WWP1: variants seen among roughly 807,000 people sequenced by gnomAD.
WWP1 encodes the protein NEDD4-like E3 ubiquitin-protein ligase WWP1.
In WWP1, 49 loss-of-function variants were observed where a neutral mutation model predicts 130.6. That is an observed-to-expected ratio of 0.38 (90% confidence interval 0.30 to 0.48). The LOEUF (loss-of-function observed/expected upper bound fraction) is 0.48, where lower values mean the gene tolerates loss of function less well. Among genes scored for constraint, WWP1 ranks in the 20% least tolerant of loss-of-function variants. WWP1 has a pLI of 0.99. For missense variants in WWP1, 809 were observed against 1,100.6 expected (o/e 0.74, Z 3.75); for synonymous variants, 332 against 367.8 (o/e 0.90, Z 1.11).
At chr8:86,353,519 G>A (rs1823068054) in intron 1 of WWP1, among the ~76,000 whole-genome samples, 1 of 151,540 alleles carries the variant, frequency 6.6e-6, no homozygotes, top group African/African-American at 2.4e-5. Flanking sequence ...CTGAGACGGA[G>A]TCTCACTCTG....
At chr8:86,465,609 G>C (rs1013518224) in intron 24 of WWP1, among the ~76,000 whole-genome samples, 1 of 152,172 alleles carries the variant, frequency 6.6e-6, no homozygotes, top group Non-Finnish European at 1.5e-5. Flanking sequence ...GACACAGCCA[G>C]ACCCTGTCTC....
chr8:86,421,548 G>A (rs898742561), intron 9 of WWP1, among the ~76,000 whole-genome samples: 1 of 152,130 alleles, frequency 6.6e-6, no homozygotes, highest in Non-Finnish European at 1.5e-5. Context: ...AAATAGGCCG[G>A]GCATGGTGGC....
intron 3 of WWP1, among the ~76,000 whole-genome samples, chr8:86,380,359 G>A (rs903096569): frequency 6.6e-6 from 1 of 151,998 alleles, no homozygotes; most frequent in African/African-American, 2.4e-5. Flanking sequence ...GTGGGGAGAG[G>A]GTTGATTGGG....
chr8:86,362,067 T>TACATACAC, intron 1 of WWP1, among the ~76,000 whole-genome samples: 1 of 138,370 alleles, frequency 7.2e-6, no homozygotes, highest in East Asian at 2.0e-4. Flanking sequence ...TACACACATA[T>TACATACAC]ATATACACAT....
chr8:86,352,887 G>A (rs912033537), intron 1 of WWP1, among the ~76,000 whole-genome samples: 2 of 152,242 alleles, frequency 1.3e-5, no homozygotes, highest in African/African-American at 4.8e-5. Flanking sequence ...CATTTCCTCC[G>A]TACTTCTTTC....
chr8:86,402,355 G>A (rs1261667967), intron 8 of WWP1, 152 bp downstream of exon 8: 16 of 958,386 alleles, frequency 1.7e-5, no homozygotes, highest in Admixed American at 1.4e-4. Flanking sequence ...GTGCGATCTC[G>A]GCTCACTGCA....
At chr8:86,370,630 G>A (rs1432977205) in intron 2 of WWP1, among the ~76,000 whole-genome samples, 1 of 152,056 alleles carries the variant, frequency 6.6e-6, no homozygotes, top group Non-Finnish European at 1.5e-5. Flanking sequence ...CAAAGGAAAT[G>A]AATAACAAAA....
At chr8:86,390,221 G>A (rs962341604) in intron 5 of WWP1, among the ~76,000 whole-genome samples, 1 of 151,226 alleles carries the variant, frequency 6.6e-6, no homozygotes, top group East Asian at 2.0e-4. Flanking sequence ...CTGGGCGGCC[G>A]GGCAGAGGGG....
intron 3 of WWP1, among the ~76,000 whole-genome samples, chr8:86,379,592 A>G (rs1824865988): frequency 6.6e-6 from 1 of 152,160 alleles, no homozygotes; most frequent in Non-Finnish European, 1.5e-5. Flanking sequence ...TATTTTGCCC[A>G]GAAAGTAGAT....
chr8:86,360,966 G>A (rs184658164), intron 1 of WWP1, among the ~76,000 whole-genome samples: 31 of 152,278 alleles, frequency 2.0e-4, no homozygotes, highest in African/African-American at 7.5e-4. Flanking sequence ...GCAGCATTCA[G>A]GGTAATTAGG....
intron 9 of WWP1, among the ~76,000 whole-genome samples, chr8:86,416,273 G>C (rs1808881904): frequency 6.6e-6 from 1 of 152,186 alleles, no homozygotes. Context: ...TCTGTGTGAA[G>C]ACAAAGGGAA....
intron 3 of WWP1, among the ~76,000 whole-genome samples, chr8:86,380,293 A>G (rs981102321): frequency 1.3e-5 from 2 of 152,176 alleles, no homozygotes; most frequent in African/African-American, 2.4e-5. Context: ...TGAAATGTCC[A>G]GAATAGGCAA....
chr8:86,440,968 T>C (rs2130718432), intron 17 of WWP1, among the ~76,000 whole-genome samples: 1 of 152,364 alleles, frequency 6.6e-6, no homozygotes, highest in African/African-American at 2.4e-5. Context: ...CTCATAATTT[T>C]TTCAACCTCT....
chr8:86,438,617 G>T lies in WWP1; in HGVS notation c.1782G>T (p.Arg594Ser). 6.2e-7 allele frequency: 1 copy of T among 1,607,604 alleles called. No individual in the cohort carries two copies. Among genetic ancestry groups the T allele is most frequent in the Non-Finnish European group, 8.5e-7 (1 of 1,178,382 alleles). The change falls in exon 17 of 25, where the codon AGG (arginine) becomes AGT (serine). Residue 594 changes from arginine (R) to serine (S), a missense_variant. By Grantham distance (110) the Arg-to-Ser change is moderately radical. Transcript: ENST00000517970. ...IMALKPYDLR[R>S]RLYVIFRGEE... ...CATTAAAACCCTATGACTTGAGGAG[G>T]CGCTTATATGTAATATTTAGAGGAG...
chr8:86,451,994 A>G (rs1435074610), intron 20 of WWP1, among the ~76,000 whole-genome samples: 1 of 152,216 alleles, frequency 6.6e-6, no homozygotes, highest in Non-Finnish European at 1.5e-5. Context: ...AACAGCAGGT[A>G]AAGAACCTGT....
chr8:86,360,031 AGAGT>A (rs1823486586), intron 1 of WWP1, among the ~76,000 whole-genome samples: 1 of 151,546 alleles, frequency 6.6e-6, no homozygotes, highest in African/African-American at 2.4e-5. Context: ...CCTGGGCAAC[AGAGT>A]GAGACTCCCT....
chr8:86,445,565 G>A lies in WWP1; in HGVS notation c.1999-2583G>A, dbSNP rs1046841560. On this transcript the variant is annotated intron_variant, in intron 18 of 24. Transcript: ENST00000517970. ...GGTGCTTACAGTCCACCATTGATGG[G>A]CACCTGGATTTATTCTAGGTCTTTC... is the stretch of plus-strand genomic sequence containing the variant. 5.3e-5 allele frequency among the ~76,000 whole-genome samples: 8 copies of A among 152,266 alleles called. No individual in the cohort carries two copies. In the East Asian group the frequency reaches 1.5e-3, roughly 29 times the overall value.
intron 5 of WWP1, among the ~76,000 whole-genome samples, chr8:86,397,919 A>G (rs577482433): frequency 6.6e-6 from 1 of 152,170 alleles, no homozygotes; most frequent in Non-Finnish European, 1.5e-5. Flanking sequence ...CCATTTTGTA[A>G]TTAAGAAACC....
chr8:86,373,922 C>T, intron 2 of WWP1, 108 bp from the exon 3 acceptor site: 1 of 776,788 alleles, frequency 1.3e-6, no homozygotes, highest in Non-Finnish European at 2.0e-6. Context: ...TGATAATTTT[C>T]ATGTACTTTT....
Sources: allele counts gnomAD v4.1 joint callset (sites outside exome capture counted in the v4.1 genomes callset), GRCh38; gene constraint gnomAD v4.1.1; transcripts MANE v1.5; gene names NCBI Gene and HGNC (gene_info 2026-07-23, HGNC 2026-07-21).